LRP2: variants seen among roughly 807,000 people sequenced by gnomAD.
LRP2 encodes low-density lipoprotein receptor-related protein 2.
Under a neutral mutation model 531.0 loss-of-function variants are expected in LRP2, and 172 were observed. The ratio of observed to expected loss-of-function variants is 0.32; its 90% CI spans 0.29 to 0.37. LRP2 has a LOEUF of 0.37. Among genes scored for constraint, LRP2 ranks in the 10% least tolerant of loss-of-function variants. The pLI, the probability that LRP2 is intolerant of heterozygous loss-of-function variation, is 1.00. For synonymous variants in LRP2, 1,992 were observed against 2,027.6 expected (o/e 0.98, Z 0.47); for missense variants, 5,167 against 5,868.3 (o/e 0.88, Z 3.90).
intron 1 of LRP2, among the ~76,000 whole-genome samples, chr2:169,328,717 G>GC (rs1685189465): frequency 6.6e-6 from 1 of 152,102 alleles, no homozygotes; most frequent in Non-Finnish European, 1.5e-5. Flanking sequence ...GGGAACCTGA[G>GC]CCTCAGTGAC....
chr2:169,131,618 T>C (rs1401350826), intron 77 of LRP2, among the ~76,000 whole-genome samples: 1 of 151,974 alleles, frequency 6.6e-6, no homozygotes, highest in Non-Finnish European at 1.5e-5. Context: ...TGAGTGCACA[T>C]GTGTTGGGGA....
chr2:169,306,007 C>T (rs867467802), intron 4 of LRP2, among the ~76,000 whole-genome samples: 4 of 152,010 alleles, frequency 2.6e-5, no homozygotes, highest in African/African-American at 4.8e-5. Context: ...CACTCTATCA[C>T]GTTCACACAA....
chr2:169,353,582 T>C lies in LRP2; in HGVS notation c.79+8739A>G, dbSNP rs139490895. Among the ~76,000 whole-genome samples, 3 of 152,340 alleles carry C rather than the reference T, an allele frequency of 2.0e-5. No homozygotes were observed. In the East Asian group the frequency reaches 5.8e-4, roughly 29 times the overall value. On this transcript the variant is annotated intron_variant, in intron 1 of 78. Coordinates refer to ENST00000649046, the MANE Select transcript of LRP2 (RefSeq NM_004525.3). Reference sequence around the variant, plus strand: ...CATCAAAATTAAACCAGTGTGGAAGTACATGCTAGCATGTATCACCCCCCT... The same window carrying C: ...CATCAAAATTAAACCAGTGTGGAAGCACATGCTAGCATGTATCACCCCCCT...
intron 1 of LRP2, among the ~76,000 whole-genome samples, chr2:169,332,592 C>T (rs1685295838): frequency 6.6e-6 from 1 of 151,956 alleles, no homozygotes; most frequent in Admixed American, 6.6e-5. Flanking sequence ...TAGCTATGGC[C>T]CAAATTCAGA....
chr2:169,283,119 A>C, intron 9 of LRP2, 118 bp from the exon 10 acceptor site: 1 of 986,722 alleles, frequency 1.0e-6, no homozygotes, highest in Non-Finnish European at 1.6e-6. Context: ...CTAAATAAAC[A>C]CCCTCTGGAA....
At chr2:169,289,639 G>GA (rs906298698) in intron 8 of LRP2, among the ~76,000 whole-genome samples, 9 of 151,000 alleles carry the variant, frequency 6.0e-5, no homozygotes, top group East Asian at 1.9e-4. Flanking sequence ...TCTTATTTAT[G>GA]AAAAAAAAAT....
chr2:169,220,182 T>C (rs1574147355), intron 34 of LRP2, among the ~76,000 whole-genome samples: 1 of 152,238 alleles, frequency 6.6e-6, no homozygotes, highest in African/African-American at 2.4e-5. Flanking sequence ...CTTATAATGC[T>C]ATTTTAAAAT....
At chr2:169,288,357 G>C (rs1683911366) in intron 9 of LRP2, among the ~76,000 whole-genome samples, 1 of 152,188 alleles carries the variant, frequency 6.6e-6, no homozygotes, top group African/African-American at 2.4e-5. Flanking sequence ...AGTCAGAGAG[G>C]AGAGATATGA....
intron 1 of LRP2, among the ~76,000 whole-genome samples, chr2:169,333,251 CAG>C (rs1012678275): frequency 2.6e-5 from 4 of 151,920 alleles, no homozygotes; most frequent in African/African-American, 9.7e-5. Context: ...ATTTTATAAG[CAG>C]AAAGTTCAAA....
intron 1 of LRP2, among the ~76,000 whole-genome samples, chr2:169,342,781 T>TAA (rs532666896): frequency 1.3e-5 from 2 of 151,436 alleles, no homozygotes; most frequent in African/African-American, 4.9e-5. Context: ...CAGTTCCTGA[T>TAA]AAAAAAAAAG....
chr2:169,275,309 G>C, intron 13 of LRP2, 71 bp from the exon 14 acceptor site: 1 of 1,207,566 alleles, frequency 8.3e-7, no homozygotes, highest in Non-Finnish European at 1.2e-6. Context: ...GCTGTAGTTA[G>C]TTCAATTAAA....
chr2:169,248,464 C>T (rs1044055284), intron 19 of LRP2, among the ~76,000 whole-genome samples: 3 of 152,196 alleles, frequency 2.0e-5, no homozygotes, highest in Non-Finnish European at 2.9e-5. Context: ...CAAAGGCATC[C>T]TCATATACTT....
rs1188450012 is a variant in LRP2 at position 169,175,310 on chromosome 2, G to A, written c.10651C>T (p.Arg3551Cys). The change falls in exon 55 of 79, where the codon CGC becomes TGC. Residue 3551 changes from arginine to cysteine, a missense_variant. Transcript: ENST00000649046. ...GSDELALCPQRFCRLGQFQCS... is the reference protein window; with the variant it reads ...GSDELALCPQCFCRLGQFQCS... ...TGGAACTGTCCCAGTCGGCAGAAGC[G>A]CTGCGGGCAAAGGGCCAGTTCATCA... 2.7e-5 allele frequency: 44 copies of A among 1,614,088 alleles called. No individual in the cohort carries two copies. The highest frequency in any genetic ancestry group is 3.6e-5 in the Non-Finnish European group (42 of 1,180,038).
At chr2:169,199,077 T>C (rs992866276) in intron 44 of LRP2, among the ~76,000 whole-genome samples, 166 bp from the exon 45 acceptor site, 4 of 152,186 alleles carry the variant, frequency 2.6e-5, no homozygotes, top group Non-Finnish European at 5.9e-5. Context: ...ACCTATAGAT[T>C]CTGTAGTAAA....
intron 3 of LRP2, among the ~76,000 whole-genome samples, chr2:169,309,107 T>C (rs1407023751): frequency 3.3e-5 from 5 of 152,216 alleles, no homozygotes; most frequent in African/African-American, 4.8e-5. Context: ...AAGTTCTTTG[T>C]AGATTCTGGA....
intron 9 of LRP2, among the ~76,000 whole-genome samples, chr2:169,285,499 C>T (rs1399209690): frequency 6.6e-6 from 1 of 152,150 alleles, no homozygotes. Flanking sequence ...TAAAACACTA[C>T]TTTACAATCC....
chr2:169,193,491 G>GTT (rs1340822882), intron 47 of LRP2, among the ~76,000 whole-genome samples: 2 of 147,692 alleles, frequency 1.4e-5, no homozygotes, highest in African/African-American at 4.9e-5. Flanking sequence ...GTATTTGTGG[G>GTT]TTTTTTTTTT....
At chr2:169,228,917 A>G (rs1214827685) in intron 31 of LRP2, among the ~76,000 whole-genome samples, 1 of 152,228 alleles carries the variant, frequency 6.6e-6, no homozygotes, top group Non-Finnish European at 1.5e-5. Flanking sequence ...AACACTGCAC[A>G]CATTTCTACG....
chr2:169,202,124 T>C (rs966552419), intron 43 of LRP2, among the ~76,000 whole-genome samples: 1 of 152,142 alleles, frequency 6.6e-6, no homozygotes, highest in Admixed American at 6.5e-5. Context: ...ATTCTGTTTC[T>C]CTATAATCTC....
Sources: gnomAD v4.1 joint callset for allele counts (sites outside exome capture counted in the v4.1 genomes callset) on GRCh38, gnomAD v4.1.1 for gene constraint, MANE v1.5 for transcripts, NCBI Gene and HGNC (gene_info 2026-07-23, HGNC 2026-07-21) for gene names.